Variants in GPC6 observed in about 807,000 individuals in gnomAD.
GPC6 encodes the protein glypican-6.
In GPC6, 14 loss-of-function variants were observed where a neutral mutation model predicts 55.2. The observed-to-expected ratio is 0.25, with a 90% CI of 0.17 to 0.40. GPC6 has a LOEUF of 0.40. Ranked by LOEUF, GPC6 falls within the 10% of genes least tolerant of loss-of-function variation. The probability of loss-of-function intolerance (pLI) is 1.00; values close to 1 mark genes in which losing one functional copy is unlikely to be tolerated. For synonymous variants in GPC6, 278 were observed against 259.6 expected, an observed-to-expected ratio of 1.07 and a Z score of -0.68; for missense variants, 641 against 708.5, an observed-to-expected ratio of 0.90 and a Z score of 1.08.
chr13:93,916,641 C>T (rs1311283183), intron 3 of GPC6, among the ~76,000 whole-genome samples: 4 of 151,946 alleles, frequency 2.6e-5, no homozygotes, highest in Non-Finnish European at 5.9e-5. Flanking sequence ...TTTTTTTCTG[C>T]TGGCAAAAAC....
Position 94,114,224 on chromosome 13 carries a change from GGATTAAATCTACAT to G in GPC6, c.877+86332_877+86345del, listed in dbSNP as rs1886354068. ...GGCACACACCTAAATTTTGGTTCTG[GGATTAAATCTACAT>G]GTGTAGTCTTCTCTCTCAAAAATGG... On this transcript the variant is annotated intron_variant, in intron 4 of 8. Transcript: ENST00000377047. 2.0e-5 allele frequency among the ~76,000 whole-genome samples: 3 copies of G among 151,578 alleles called. No homozygotes were observed. The South Asian group carries it at 6.2e-4, about 32-fold the overall frequency.
At chr13:93,361,656 A>G (rs886736387) in intron 1 of GPC6, among the ~76,000 whole-genome samples, 2 of 152,238 alleles carry the variant, frequency 1.3e-5, no homozygotes, top group Non-Finnish European at 2.9e-5. Flanking sequence ...ACAAAATAAG[A>G]TGGAAAAGAA....
intron 4 of GPC6, among the ~76,000 whole-genome samples, chr13:94,087,716 C>T (rs1412013416): frequency 6.6e-6 from 1 of 152,152 alleles, no homozygotes; most frequent in African/African-American, 2.4e-5. Context: ...TACCTACTGC[C>T]CTTCAATGGG....
chr13:94,082,374 G>A (rs773692288), intron 4 of GPC6, among the ~76,000 whole-genome samples: 7 of 152,048 alleles, frequency 4.6e-5, no homozygotes, highest in East Asian at 1.9e-4. Flanking sequence ...AATACTGTGC[G>A]CTCATGTTTT....
chr13:93,257,318 T>G (rs1594056104), intron 1 of GPC6, among the ~76,000 whole-genome samples: 1 of 152,092 alleles, frequency 6.6e-6, no homozygotes, highest in Admixed American at 6.6e-5. Flanking sequence ...AAATCATTGT[T>G]ATAAAACCAT....
chr13:93,682,351 A>G (rs1490840417), intron 2 of GPC6, among the ~76,000 whole-genome samples: 1 of 152,168 alleles, frequency 6.6e-6, no homozygotes, highest in Non-Finnish European at 1.5e-5. Context: ...GGGTGTTTTC[A>G]AACTGGGATG....
At position 94,317,813 on chromosome 13, in the gene GPC6, T is replaced by G. The variant is rs1026820527; in HGVS notation, c.1152+11690T>G. Among the ~76,000 whole-genome samples the G allele has an allele frequency of 9.9e-5, 15 of 152,266 alleles. No homozygotes were observed. The South Asian group carries it at 3.1e-3, about 32-fold the overall frequency. ...AGCTGACTTTCAATAACTTGGATCGTAGTATGACAAGGAAGGGTATAGTGT... is the reference window on the plus strand; with the variant it reads ...AGCTGACTTTCAATAACTTGGATCGGAGTATGACAAGGAAGGGTATAGTGT... On this transcript the variant is annotated intron_variant, in intron 6 of 8. Transcript: ENST00000377047.
At chr13:93,704,244 G>T (rs193185873) in intron 2 of GPC6, among the ~76,000 whole-genome samples, 7 of 151,798 alleles carry the variant, frequency 4.6e-5, no homozygotes, top group Admixed American at 4.6e-4. Context: ...GCATATATTT[G>T]TACTTACATA....
At chr13:93,646,537 C>A (rs905925643) in intron 2 of GPC6, among the ~76,000 whole-genome samples, 1 of 152,026 alleles carries the variant, frequency 6.6e-6, no homozygotes, top group Non-Finnish European at 1.5e-5. Context: ...AGAAAGTAAT[C>A]CCTACGTGTT....
chr13:93,740,960 G>T (rs1302260886), intron 2 of GPC6, among the ~76,000 whole-genome samples: 1 of 151,830 alleles, frequency 6.6e-6, no homozygotes, highest in Non-Finnish European at 1.5e-5. Context: ...AGTTGTTATG[G>T]TTTTTCATTA....
At chr13:93,819,338 C>T (rs938183511) in intron 2 of GPC6, among the ~76,000 whole-genome samples, 22 of 151,884 alleles carry the variant, frequency 1.4e-4, no homozygotes, top group Admixed American at 1.4e-3. Flanking sequence ...GAAGAAGGAA[C>T]GGGAGCTGGG....
At chr13:94,070,078 A>T (rs1387537071) in intron 4 of GPC6, among the ~76,000 whole-genome samples, 2 of 152,188 alleles carry the variant, frequency 1.3e-5, no homozygotes, top group East Asian at 3.8e-4. Context: ...AAAGAAAGAG[A>T]TTTAATGCAC....
intron 2 of GPC6, among the ~76,000 whole-genome samples, chr13:93,560,256 C>A (rs943042305): frequency 2.0e-5 from 3 of 151,656 alleles, no homozygotes; most frequent in African/African-American, 7.3e-5. Flanking sequence ...TCCTTTAATC[C>A]CAGCACTTTG....
At chr13:93,323,827 G>T (rs1879543832) in intron 1 of GPC6, among the ~76,000 whole-genome samples, 1 of 152,182 alleles carries the variant, frequency 6.6e-6, no homozygotes, top group Non-Finnish European at 1.5e-5. Context: ...AATAGGTCAA[G>T]AAAAGCTTTA....
intron 5 of GPC6, among the ~76,000 whole-genome samples, chr13:94,301,385 A>C (rs1875642922): frequency 6.6e-6 from 1 of 152,164 alleles, no homozygotes; most frequent in South Asian, 2.1e-4. Flanking sequence ...CAACGGAGTG[A>C]GACCCCGTCT....
At chr13:94,058,336 C>A (rs1884202963) in intron 4 of GPC6, among the ~76,000 whole-genome samples, 1 of 152,162 alleles carries the variant, frequency 6.6e-6, no homozygotes, top group Non-Finnish European at 1.5e-5. Flanking sequence ...TGCCAATGTT[C>A]ACTTACCTTT....
At chr13:93,947,118 G>A (rs1879043615) in intron 3 of GPC6, among the ~76,000 whole-genome samples, 1 of 152,130 alleles carries the variant, frequency 6.6e-6, no homozygotes, top group African/African-American at 2.4e-5. Context: ...CCTTCGAGAG[G>A]TATGCTTTGA....
At chr13:94,262,898 AAG>A (rs1377936827) in intron 4 of GPC6, among the ~76,000 whole-genome samples, 1 of 152,230 alleles carries the variant, frequency 6.6e-6, no homozygotes, top group East Asian at 1.9e-4. Flanking sequence ...AATAATTACA[AAG>A]AGATTGAGAG....
intron 1 of GPC6, among the ~76,000 whole-genome samples, chr13:93,336,952 C>G (rs745315195): frequency 6.6e-6 from 1 of 152,188 alleles, no homozygotes; most frequent in Non-Finnish European, 1.5e-5. Flanking sequence ...GCTGTCAAAG[C>G]TCCTTCAATG....
Sources: gnomAD v4.1 joint callset for allele counts (sites outside exome capture counted in the v4.1 genomes callset) on GRCh38, gnomAD v4.1.1 for gene constraint, MANE v1.5 for transcripts, NCBI Gene and HGNC (gene_info 2026-07-23, HGNC 2026-07-21) for gene names.